ZP4: variants seen among roughly 807,000 people sequenced by gnomAD.
ZP4 encodes the protein zona pellucida sperm-binding protein 4.
A neutral mutation model predicts 62.3 loss-of-function variants in ZP4; 62 were observed. The observed-to-expected ratio is 0.99, with a 90% CI of 0.81 to 1.23. The LOEUF is 1.23. Ranked by LOEUF, ZP4 falls within the 50% of genes most tolerant of loss-of-function variation. The pLI is 0.00. For synonymous variants in ZP4, 289 were observed against 247.3 expected (o/e 1.17, Z -1.58); for missense variants, 774 against 656.0 (o/e 1.18, Z -1.97).
In ZP4 at chr1:237,882,734, A is replaced by C. The variant is rs780041913; in HGVS notation, c.1495+8T>G. The C allele has an allele frequency of 3.7e-6, 6 of 1,613,220 alleles. No individual in the cohort carries two copies. Among genetic ancestry groups the C allele is most frequent in the Non-Finnish European group, 5.1e-6 (6 of 1,179,684 alleles). ...ACTAGTTTGATCTCCTCCCTCTTGG[A>C]TACTTACGGAGCTTTTCTGGAGGGT... On this transcript the variant is annotated splice_region_variant and intron_variant, in intron 11 of 11. Coordinates refer to ENST00000366570, the MANE Select transcript of ZP4 (RefSeq NM_021186.5).
intron 3 of ZP4, 72 bp downstream of exon 3, chr1:237,889,795 G>T: frequency 7.4e-7 from 1 of 1,356,192 alleles, no homozygotes; most frequent in Non-Finnish European, 1.1e-6. Flanking sequence ...GAGCAGGTCA[G>T]AGAGGACCAA....
intron 11 of ZP4, 51 bp from the exon 12 acceptor site, chr1:237,882,600 C>T (rs761166834): frequency 1.3e-5 from 20 of 1,573,130 alleles, no homozygotes; most frequent in Admixed American, 3.9e-5. Context: ...CCAAGTGATT[C>T]TGTGTCCTGA....
intron 8 of ZP4, 22 bp downstream of exon 8, chr1:237,885,369 G>C (rs772069570): frequency 6.2e-7 from 1 of 1,611,010 alleles, no homozygotes; most frequent in South Asian, 1.1e-5. Flanking sequence ...TTTCAGCACA[G>C]GTGTATGAAA....
chr1:237,884,179 AATATGC>A (rs1406440776), intron 10 of ZP4, among the ~76,000 whole-genome samples: 1 of 152,180 alleles, frequency 6.6e-6, no homozygotes, highest in Non-Finnish European at 1.5e-5. Context: ...AAGTAGTGAT[AATATGC>A]ATTTTTGGAG....
Position 237,889,882 on chromosome 1 carries a change from G to A in ZP4, c.385C>T (p.Pro129Ser), listed in dbSNP as rs771533354. 142 of 1,613,676 alleles carry A rather than the reference G, an allele frequency of 8.8e-5. No individual in the cohort carries two copies. Among genetic ancestry groups the A allele is most frequent in the Non-Finnish European group, 1.2e-4 (138 of 1,179,984 alleles). The stretch of plus-strand genomic sequence containing the variant: ...CAGCCTTTACCTAGAAGATCCATAG[G>A]ACACTTGAGCAGCTTCCTCTCTGTA... ...VVTERKLLKCPMDLLARDAPD... is the reference protein window; with the variant it reads ...VVTERKLLKCSMDLLARDAPD... Residue 129 changes from proline (P) to serine (S), a missense_variant, in exon 3 of 12, where the codon CCT becomes TCT. Coordinates refer to ENST00000366570, the MANE Select transcript of ZP4 (RefSeq NM_021186.5).
rs1370121180 is a variant in ZP4 at position 237,886,833 on chromosome 1, C to G, written c.777G>C (p.Leu259=). Residue 259 remains leucine (L), a synonymous_variant, in exon 6 of 12, where the codon CTG becomes CTC. Transcript: ENST00000366570. The part of the protein sequence containing the change: ...TGDRAVYENE[L]VATRDVKNGS... ...CATTTTTCACATCCCTAGTTGCCAC[C>G]AGTTCATTTTCATATACTGCTCGGT... is the stretch of plus-strand genomic sequence containing the variant. 6.2e-7 allele frequency: 1 copy of G among 1,613,944 alleles called. No individual in the cohort carries two copies. The highest frequency in any genetic ancestry group is 1.7e-5 in the Admixed American group (1 of 59,998).
rs754741981 is a variant in ZP4, at chr1:237,890,569, G to A, written c.67C>T (p.Pro23Ser). The A allele has an allele frequency of 5.6e-6, 9 of 1,614,094 alleles. No homozygotes were observed. The highest frequency in any genetic ancestry group is 6.8e-6 in the Non-Finnish European group (8 of 1,180,018). Reference protein sequence around the residue: ...LSLAVSGQHKPEAPDYSSVLH... With the variant: ...LSLAVSGQHKSEAPDYSSVLH... Reference sequence around the variant, plus strand: ...ACACTGGAATAATCTGGTGCCTCAGGCTTATGCTGGCCACTCACAGCAAGA... The same window carrying A: ...ACACTGGAATAATCTGGTGCCTCAGACTTATGCTGGCCACTCACAGCAAGA... Residue 23 changes from proline (P) to serine (S), a missense_variant, in exon 1 of 12, where the codon CCT becomes TCT. Physicochemically the swap from Pro to Ser is moderately conservative, Grantham distance 74. Transcript: ENST00000366570.
Position 237,886,827 on chromosome 1 carries a change from T to A in ZP4, c.783A>T (p.Ala261=). 3 of 1,614,130 alleles carry A rather than the reference T, an allele frequency of 1.9e-6. No homozygotes were observed. The highest frequency in any genetic ancestry group is 2.5e-6 in the Non-Finnish European group (3 of 1,180,008). Residue 261 remains alanine, a synonymous_variant, in exon 6 of 12, where the codon GCA becomes GCT. Coordinates refer to ENST00000366570, the MANE Select transcript of ZP4 (RefSeq NM_021186.5). ...DRAVYENELV[A]TRDVKNGSRG... ...GGCTCCCATTTTTCACATCCCTAGTTGCCACCAGTTCATTTTCATATACTG... is the reference window on the plus strand; with the variant it reads ...GGCTCCCATTTTTCACATCCCTAGTAGCCACCAGTTCATTTTCATATACTG...
In ZP4 at chr1:237,885,414, T is replaced by C. The variant is rs1412832289; in HGVS notation, c.1137A>G (p.Pro379=). Residue 379 remains proline, a synonymous_variant, in exon 8 of 12, where the codon CCA becomes CCG. Coordinates refer to ENST00000366570, the MANE Select transcript of ZP4 (RefSeq NM_021186.5). ...ACCCCTTTACCAGGATGGGCCACTGTGGCTGACTCAGGGGGTCAGTGCTGG... is the reference window on the plus strand; with the variant it reads ...ACCCCTTTACCAGGATGGGCCACTGCGGCTGACTCAGGGGGTCAGTGCTGG... ...ATPSTDPLSQ[P]QWPILVKGCP... The C allele has an allele frequency of 2.5e-6, 4 of 1,612,436 alleles. No individual in the cohort carries two copies. Among genetic ancestry groups the C allele is most frequent in the Admixed American group, 1.7e-5 (1 of 59,844 alleles).
At position 237,889,950 on chromosome 1, in the gene ZP4, G is replaced by A. The variant is rs749566220; in HGVS notation, c.317C>T (p.Pro106Leu). The A allele has an allele frequency of 1.2e-5, 20 of 1,613,990 alleles. No homozygotes were observed. The Admixed American group carries it at 3.2e-4, about 26-fold the overall frequency. Residue 106 changes from proline (P) to leucine (L), a missense_variant, in exon 3 of 12, where the codon CCA becomes CTA. Pro to Leu is a moderately conservative substitution (Grantham distance 98, BLOSUM62 -3). Transcript: ENST00000366570. ...CGCGCCTGCTCCTTCAACTCCAACT[G>A]GCATGATGTAGTGGGAGTCCTGGAG... ...VTEWDSHYIM[P>L]VGVEGAGAAE... is the part of the protein sequence containing the mutation.
chr1:237,882,618 T>G, intron 11 of ZP4, 69 bp from the exon 12 acceptor site: 1 of 1,571,916 alleles, frequency 6.4e-7, no homozygotes, highest in Non-Finnish European at 8.6e-7. Flanking sequence ...TGACAAAGAC[T>G]AGCAGTCTTC....
chr1:237,889,994 C>T, intron 2 of ZP4, 25 bp from the exon 3 acceptor site: 2 of 1,614,148 alleles, frequency 1.2e-6, no homozygotes, highest in Non-Finnish European at 1.7e-6. Flanking sequence ...CCTTGGGGGT[C>T]AGCCTGGATG....
rs1272904128 is a variant in ZP4, at chr1:237,890,515, A to C, written c.121T>G (p.Phe41Val). 1 of 1,613,972 alleles carries C rather than the reference A, an allele frequency of 6.2e-7. No individual in the cohort carries two copies. The highest frequency in any genetic ancestry group is 1.7e-5 in the Admixed American group (1 of 59,996). Reference protein sequence around the residue: ...VLHCGPWSFQFAVNLNQEATS... With the variant: ...VLHCGPWSFQVAVNLNQEATS... ...GCCTCCTGGTTGAGGTTTACAGCAA[A>C]CTGGAAGCTCCACGGCCCACAGTGG... is the stretch of plus-strand genomic sequence containing the variant. Residue 41 changes from phenylalanine (F) to valine (V), a missense_variant, in exon 1 of 12, where the codon TTT becomes GTT. Transcript: ENST00000366570.
rs1338480250 is a variant in ZP4, at chr1:237,884,005, C to CAA, written c.1390+763_1390+764insTT. 5.5e-3 allele frequency among the ~76,000 whole-genome samples: 521 copies of CAA among 95,364 alleles called. 2 individuals carry two copies. The highest frequency in any genetic ancestry group is 0.023 in the East Asian group (65 of 2,844). 62.6% of individuals were successfully genotyped at this position (95,364 alleles called of 152,430 possible). A position where few individuals can be genotyped will look rare whatever the true frequency, so the allele number is the denominator to read the frequency against. On this transcript the variant is annotated intron_variant, in intron 10 of 11. Coordinates refer to ENST00000366570, the MANE Select transcript of ZP4 (RefSeq NM_021186.5). ...ACAAACACACACACACACACACACACACACACACACAAACACACACACACA... is the reference window on the plus strand; with the variant it reads ...ACAAACACACACACACACACACACACAAACACACACACAAACACACACACACA...
Position 237,882,443 on chromosome 1 carries a change from G to A in ZP4, c.1602C>T (p.Cys534=), listed in dbSNP as rs1373827851. 2.5e-6 allele frequency: 4 copies of A among 1,610,870 alleles called. No homozygotes were observed. Among genetic ancestry groups the A allele is most frequent in the South Asian group, 2.2e-5 (2 of 90,504 alleles). Residue 534 remains cysteine (C), a synonymous_variant, in exon 12 of 12, where the codon TGC becomes TGT. Coordinates refer to ENST00000366570, the MANE Select transcript of ZP4 (RefSeq NM_021186.5). ...SYLAVKKQKS[C]PDQMCQ ...GGTTTTATTGACACATTTGGTCTGG[G>A]CAACTCTTCTGTTTCTTGACAGCCA...
chr1:237,883,637 G>A (rs12755111), intron 10 of ZP4, among the ~76,000 whole-genome samples: 3 of 7,326 alleles, frequency 4.1e-4, no homozygotes, highest in Admixed American at 2.4e-3. Flanking sequence ...AGGGGGAGGG[G>A]GAGGGCGGGG....
chr1:237,887,234 T>C (rs1665124484), intron 5 of ZP4, 140 bp downstream of exon 5: 1 of 958,528 alleles, frequency 1.0e-6, no homozygotes, highest in African/African-American at 1.6e-5. Flanking sequence ...TGAGGCATTC[T>C]CCTGCCCTAG....
intron 4 of ZP4, among the ~76,000 whole-genome samples, chr1:237,888,056 A>C (rs1179417781): frequency 2.6e-5 from 4 of 152,226 alleles, no homozygotes; most frequent in Non-Finnish European, 5.9e-5. Flanking sequence ...CTCCCTAAAC[A>C]ATCCAAGACC....
Position 237,885,821 on chromosome 1 carries a change from G to T in ZP4, c.905C>A (p.Thr302Asn), listed in dbSNP as rs571624979. ...NSLPINVQVFTLPPPFPETQP... is the reference protein window; with the variant it reads ...NSLPINVQVFNLPPPFPETQP... ...GGTCTCAGGAAAGGGTGGTGGGAGA[G>T]TGAAAACCTGGACATTGATTGGGAG... Residue 302 changes from threonine to asparagine, a missense_variant, in exon 7 of 12, where the codon ACT becomes AAT. Thr to Asn is a moderately conservative substitution (Grantham distance 65). Coordinates refer to ENST00000366570, the MANE Select transcript of ZP4 (RefSeq NM_021186.5). 1.7e-5 allele frequency: 28 copies of T among 1,614,176 alleles called. No homozygotes were observed. Among genetic ancestry groups the T allele is most frequent in the Middle Eastern group, 3.3e-4 (2 of 6,060 alleles).
Sources: allele counts gnomAD v4.1 joint callset (sites outside exome capture counted in the v4.1 genomes callset), GRCh38; gene constraint gnomAD v4.1.1; transcripts MANE v1.5; gene names NCBI Gene and HGNC (gene_info 2026-07-23, HGNC 2026-07-21).